The following FBN1 variants were observed in gnomAD, a reference collection of about 807,000 sequenced individuals.
The protein encoded by FBN1 is fibrillin 1, also known as fibrillin-1.
A neutral mutation model predicts 365.1 loss-of-function variants in FBN1; 29 were observed. The ratio of observed to expected loss-of-function variants is 0.08; its 90% CI spans 0.06 to 0.11. FBN1 has a LOEUF of 0.11. Ranked by LOEUF, FBN1 falls within the 10% of genes least tolerant of loss-of-function variation. The pLI is 1.00. For missense variants in FBN1, 2,476 were observed against 3,703.2 expected (o/e 0.67, Z 8.60); for synonymous variants, 1,210 against 1,270.5 (o/e 0.95, Z 1.01).
intron 8 of FBN1, among the ~76,000 whole-genome samples, chr15:48,533,776 A>G (rs922251231): frequency 6.6e-6 from 1 of 152,182 alleles, no homozygotes; most frequent in East Asian, 1.9e-4. Context: ...AGAACTATGC[A>G]AAAACATGTG....
intron 54 of FBN1, among the ~76,000 whole-genome samples, chr15:48,433,778 A>G (rs1265849693): frequency 6.6e-6 from 1 of 152,178 alleles, no homozygotes; most frequent in East Asian, 1.9e-4. Flanking sequence ...GATTTACCAC[A>G]ACTCTGACAA....
At position 48,411,385 on chromosome 15, in the gene FBN1, A is replaced by G. The variant is rs1198254608; in HGVS notation, c.8227-6T>C. On this transcript the variant is annotated splice_region_variant and splice_polypyrimidine_tract_variant and intron_variant, in intron 65 of 65. Coordinates refer to ENST00000316623, the MANE Select transcript of FBN1 (RefSeq NM_000138.5). ...GCTTCTGTCTCAGACTGATCCTGGA[A>G]AGACACATGGCAATATGTTAAATAC... 3.7e-6 allele frequency: 6 copies of G among 1,613,462 alleles called. No homozygotes were observed. Among genetic ancestry groups the G allele is most frequent in the Non-Finnish European group, 5.1e-6 (6 of 1,179,816 alleles).
In FBN1 at chr15:48,437,063, T is replaced by C; in HGVS notation, c.6394A>G (p.Lys2132Glu). The part of the protein sequence containing the change: ...DDSAVDMDEC[K>E]EPDVCKHGQC... ...CCATGTTTACAGACATCGGGTTCTT[T>C]GCATTCGTCCATATCTTAAGCAAGA... is the stretch of plus-strand genomic sequence containing the variant. Residue 2132 changes from lysine to glutamate, a missense_variant, in exon 53 of 66, where the codon AAA becomes GAA. Lys to Glu is a moderately conservative substitution (Grantham distance 56, BLOSUM62 1). Coordinates refer to ENST00000316623, the MANE Select transcript of FBN1 (RefSeq NM_000138.5). The C allele has an allele frequency of 6.2e-7, 1 of 1,611,774 alleles. No individual in the cohort carries two copies. Among genetic ancestry groups the C allele is most frequent in the Non-Finnish European group, 8.5e-7 (1 of 1,177,988 alleles).
intron 53 of FBN1, among the ~76,000 whole-genome samples, chr15:48,436,739 A>G (rs1359301070): frequency 6.6e-6 from 1 of 152,128 alleles, no homozygotes; most frequent in Non-Finnish European, 1.5e-5. Flanking sequence ...CCATGAAAGG[A>G]AGGAACTTGT....
rs549754436 is a variant in FBN1 at position 48,599,109 on chromosome 15, G to A, written c.442+1030C>T. 7.9e-5 allele frequency among the ~76,000 whole-genome samples: 12 copies of A among 152,120 alleles called. 1 individual carries two copies. The highest frequency in any genetic ancestry group is 2.9e-4 in the African/African-American group (12 of 41,478). ...TTCTTTTATAAATTGGCCAGTCTTG[G>A]GTATGTCTTTATCAGCAGCATGAAA... On this transcript the variant is annotated intron_variant, in intron 5 of 65. Transcript: ENST00000316623.
In FBN1 at chr15:48,411,350, A is replaced by G. The variant is rs2141210112; in HGVS notation, c.8256T>C (p.Ser2752=). 6.2e-7 allele frequency: 1 copy of G among 1,614,004 alleles called. No individual in the cohort carries two copies. Among genetic ancestry groups the G allele is most frequent in the Non-Finnish European group, 8.5e-7 (1 of 1,179,974 alleles). ...TCTTCTCAACATCCCAACTTGCAAG[A>G]CTCACATTGGCTTCTGTCTCAGACT... is the stretch of plus-strand genomic sequence containing the variant. The part of the protein sequence containing the change: ...EDQSETEANV[S]LASWDVEKTA... Residue 2752 remains serine, a synonymous_variant, in exon 66 of 66, where the codon AGT becomes AGC. Coordinates refer to ENST00000316623, the MANE Select transcript of FBN1 (RefSeq NM_000138.5).
chr15:48,453,690 G>T (rs932764110), intron 44 of FBN1, among the ~76,000 whole-genome samples: 1 of 152,146 alleles, frequency 6.6e-6, no homozygotes, highest in African/African-American at 2.4e-5. Flanking sequence ...AGATTCAATT[G>T]TAACAAATGC....
In FBN1 at chr15:48,644,787, G is replaced by A. The variant is rs764030811; in HGVS notation, c.-18C>T. 4.4e-6 allele frequency: 7 copies of A among 1,599,940 alleles called. No homozygotes were observed. The highest frequency in any genetic ancestry group is 1.1e-5 in the South Asian group (1 of 90,886). ...CGACGCATGATGCCGAGCCGCCACCGGCTCCCGCCGCCTCTTGCCGCGCCC... is the reference window on the plus strand; with the variant it reads ...CGACGCATGATGCCGAGCCGCCACCAGCTCCCGCCGCCTCTTGCCGCGCCC... On this transcript the variant is annotated 5_prime_UTR_variant, in exon 2 of 66. Transcript: ENST00000316623.
At chr15:48,472,455 GT>G (rs1245860301) in intron 35 of FBN1, 95 bp downstream of exon 35, 83 of 1,368,038 alleles carry the variant, frequency 6.1e-5, no homozygotes, top group Non-Finnish European at 5.7e-5. Context: ...ACACACCTCA[GT>G]TTAAAAAAAA....
intron 53 of FBN1, among the ~76,000 whole-genome samples, chr15:48,435,868 C>T (rs2043068621): frequency 6.6e-6 from 1 of 150,962 alleles, no homozygotes; most frequent in Admixed American, 6.6e-5. Context: ...TCTGACACAT[C>T]CCTTGGGGAG....
chr15:48,437,595 A>T, intron 51 of FBN1, 173 bp downstream of exon 51: 1 of 848,742 alleles, frequency 1.2e-6, no homozygotes, highest in East Asian at 2.7e-5. Flanking sequence ...TGACATAATT[A>T]AAAAGAAAAT....
intron 9 of FBN1, among the ~76,000 whole-genome samples, chr15:48,524,839 G>A (rs2043894477): frequency 6.6e-6 from 1 of 152,200 alleles, no homozygotes; most frequent in Non-Finnish European, 1.5e-5. Context: ...CATACCCTGT[G>A]ATCCATGAAT....
chr15:48,552,466 C>A (rs1195758274), intron 6 of FBN1, among the ~76,000 whole-genome samples: 1 of 151,378 alleles, frequency 6.6e-6, no homozygotes, highest in Non-Finnish European at 1.5e-5. Context: ...GAGATGGGGT[C>A]TCCCTATGTT....
chr15:48,640,552 G>A (rs1397160973), intron 2 of FBN1, among the ~76,000 whole-genome samples: 1 of 152,018 alleles, frequency 6.6e-6, no homozygotes, highest in Non-Finnish European at 1.5e-5. Context: ...CTAATCCCTT[G>A]GAGTTTGCCA....
At chr15:48,595,034 C>A (rs906206990) in intron 6 of FBN1, among the ~76,000 whole-genome samples, 1 of 152,134 alleles carries the variant, frequency 6.6e-6, no homozygotes, top group Non-Finnish European at 1.5e-5. Flanking sequence ...TAAAGGATAT[C>A]AACATGCAAT....
intron 4 of FBN1, among the ~76,000 whole-genome samples, chr15:48,607,966 C>T (rs1299325958): frequency 1.3e-5 from 2 of 152,216 alleles, no homozygotes; most frequent in African/African-American, 4.8e-5. Context: ...AGAAAAACTA[C>T]TGTTTTGACG....
Position 48,515,383 on chromosome 15 carries a change from G to C in FBN1, c.1468+4C>G, listed in dbSNP as rs765579667. The C allele has an allele frequency of 2.5e-6, 4 of 1,613,706 alleles. No homozygotes were observed. The highest frequency in any genetic ancestry group is 3.4e-6 in the Non-Finnish European group (4 of 1,179,820). The stretch of plus-strand genomic sequence containing the variant: ...TTGGTGCCAACCTAGGATGGATCAC[G>C]TACCAATACACTCCCCACGGAGGTC... On this transcript the variant is annotated splice_donor_region_variant and intron_variant, in intron 12 of 65. Transcript: ENST00000316623.
At chr15:48,472,741 A>C in intron 34 of FBN1, 65 bp from the exon 35 acceptor site, 1 of 1,611,736 alleles carries the variant, frequency 6.2e-7, no homozygotes, top group South Asian at 1.1e-5. Context: ...CCTCAGGTCT[A>C]TCAACTTTCC....
At position 48,492,563 on chromosome 15, in the gene FBN1, G is replaced by A. The variant is rs1555398992; in HGVS notation, c.2752C>T (p.Pro918Ser). ...CEDIDECEVF[P>S]GVCKNGLCVN... is the part of the protein sequence containing the mutation. Reference sequence around the variant, plus strand: ...CACAGGCCATTTTTACACACTCCTGGGAACACTTCACATTCATCTATATCT... The same window carrying A: ...CACAGGCCATTTTTACACACTCCTGAGAACACTTCACATTCATCTATATCT... Residue 918 changes from proline (P) to serine (S), a missense_variant, in exon 24 of 66, where the codon CCA becomes TCA. Pro to Ser is a moderately conservative substitution (Grantham distance 74). This residue lies in a region of FBN1 where 1,780 missense variants were observed against 2,840.8 expected (regional missense o/e 0.63). Coordinates refer to ENST00000316623, the MANE Select transcript of FBN1 (RefSeq NM_000138.5). 1 of 1,607,048 alleles carries A rather than the reference G, an allele frequency of 6.2e-7. No homozygotes were observed.
Sources: allele counts gnomAD v4.1 joint callset (sites outside exome capture counted in the v4.1 genomes callset), GRCh38; gene constraint gnomAD v4.1.1; regional missense constraint gnomAD v4.1.1; transcripts MANE v1.5; gene names NCBI Gene and HGNC (gene_info 2026-07-23, HGNC 2026-07-21).